ADORA2B: variants seen among roughly 807,000 people sequenced by gnomAD.
ADORA2B encodes adenosine receptor A2b.
ADORA2B carries 18 observed loss-of-function variants against 20.8 expected under a neutral mutation model. The observed-to-expected ratio is 0.87, with a 90% confidence interval of 0.60 to 1.29. The LOEUF (loss-of-function observed/expected upper bound fraction) is 1.29, where lower values mean the gene tolerates loss of function less well. Among genes scored for constraint, ADORA2B ranks in the 50% most tolerant of loss-of-function variants. The probability of loss-of-function intolerance (pLI) is 0.00; values close to 1 mark genes in which losing one functional copy is unlikely to be tolerated. For synonymous variants in ADORA2B, 179 were observed against 178.3 expected, an observed-to-expected ratio of 1.00 and a Z score of -0.03; for missense variants, 441 against 422.7, an observed-to-expected ratio of 1.04 and a Z score of -0.38.
intron 1 of ADORA2B, among the ~76,000 whole-genome samples, chr17:15,962,810 G>A (rs1970057620): frequency 2.0e-5 from 3 of 152,190 alleles, no homozygotes; most frequent in South Asian, 4.1e-4. Context: ...GAGCCACCGC[G>A]CCCGGCCCCT....
At chr17:15,940,214 A>G (rs1430548366), upstream of ADORA2B, among the ~76,000 whole-genome samples, 1 of 152,164 alleles carries the variant, frequency 6.6e-6, no homozygotes, top group Non-Finnish European at 1.5e-5. Flanking sequence ...GGAACATGCG[A>G]TTTGTGTGTG....
the ADORA2B span, among the ~76,000 whole-genome samples, chr17:15,885,742 C>A: frequency 6.6e-6 from 1 of 151,758 alleles, no homozygotes; most frequent in African/African-American, 2.4e-5. Context: ...AAAACCTCTG[C>A]AGAAATGTGA....
chr17:15,974,378 G>A (rs779133345), intron 1 of ADORA2B: 1 of 296,714 alleles, frequency 3.4e-6, no homozygotes, highest in South Asian at 9.9e-5. Context: ...AGAACCCACC[G>A]AGGACATTGA....
At chr17:15,964,881 G>A (rs569141870) in intron 1 of ADORA2B, among the ~76,000 whole-genome samples, 71 of 152,124 alleles carry the variant, frequency 4.7e-4, no homozygotes, top group Admixed American at 7.9e-4. Context: ...CTAACACGGT[G>A]AAACCCCGTC....
At chr17:15,948,404 G>GGGGGGGGGGGGGGGGGGGC (rs924189170) in intron 1 of ADORA2B, among the ~76,000 whole-genome samples, 3 of 21,932 alleles carry the variant, frequency 1.4e-4, no homozygotes, top group Non-Finnish European at 4.1e-4. Context: ...CTGGCGGCGG[G>GGGGGGGGGGGGGGGGGGGC]GGGCTCCAGT....
chr17:15,915,103 G>A, the ADORA2B span, among the ~76,000 whole-genome samples: 2 of 152,202 alleles, frequency 1.3e-5, no homozygotes, highest in African/African-American at 4.8e-5. Context: ...GTGTCACAGT[G>A]CAGCTTCCTT....
At chr17:15,884,495 C>T in the ADORA2B span, among the ~76,000 whole-genome samples, 114 of 152,114 alleles carry the variant, frequency 7.5e-4, no homozygotes, top group Non-Finnish European at 1.3e-3. Flanking sequence ...CTGCACAGAT[C>T]AACAAATCAC....
chr17:15,874,117 T>TACAC, the ADORA2B span, among the ~76,000 whole-genome samples: 28 of 147,130 alleles, frequency 1.9e-4, no homozygotes, highest in African/African-American at 5.5e-4. Flanking sequence ...CATATATACA[T>TACAC]ACACACACAC....
the ADORA2B span, among the ~76,000 whole-genome samples, chr17:15,936,982 A>G: frequency 3.3e-5 from 5 of 152,216 alleles, no homozygotes; most frequent in African/African-American, 7.2e-5. Flanking sequence ...ATAAAAATAA[A>G]TAAAACATAC....
intron 1 of ADORA2B, among the ~76,000 whole-genome samples, chr17:15,949,334 G>A (rs550051211): frequency 4.6e-5 from 7 of 151,824 alleles, no homozygotes; most frequent in Admixed American, 2.0e-4. Flanking sequence ...CCAACATGGC[G>A]AAATCCCGTC....
chr17:15,910,478 T>A, the ADORA2B span, among the ~76,000 whole-genome samples: 13 of 152,110 alleles, frequency 8.5e-5, no homozygotes, highest in Non-Finnish European at 1.6e-4. Context: ...TTTGTATTTT[T>A]AGTAGAAACG....
At position 15,945,542 on chromosome 17, in the gene ADORA2B, C is replaced by A; in HGVS notation, c.294C>A (p.Ala98=). The change falls in exon 1 of 2, where the codon GCC becomes GCA. Residue 98 remains alanine (A), a synonymous_variant. Coordinates refer to ENST00000304222, the MANE Select transcript of ADORA2B (RefSeq NM_000676.4). ...AGAGCTCCATCTTCAGCCTTCTGGCCGTGGCAGTCGACAGATACCTGGCCA... is the reference window on the plus strand; with the variant it reads ...AGAGCTCCATCTTCAGCCTTCTGGCAGTGGCAGTCGACAGATACCTGGCCA... ...LTQSSIFSLL[A]VAVDRYLAIC... 6.3e-7 allele frequency: 1 copy of A among 1,591,084 alleles called. No individual in the cohort carries two copies. The highest frequency in any genetic ancestry group is 8.5e-7 in the Non-Finnish European group (1 of 1,171,208).
At chr17:15,965,722 A>G (rs887863280) in intron 1 of ADORA2B, among the ~76,000 whole-genome samples, 15 of 152,250 alleles carry the variant, frequency 9.9e-5, no homozygotes, top group African/African-American at 3.1e-4. Flanking sequence ...GGGAACAAGA[A>G]AAAAACAGTG....
chr17:15,893,359 G>A, the ADORA2B span, among the ~76,000 whole-genome samples: 1 of 152,210 alleles, frequency 6.6e-6, no homozygotes, highest in South Asian at 2.1e-4. Flanking sequence ...GAAAAATAAT[G>A]TTAAGTTTCT....
chr17:15,973,651 T>G (rs922468505), intron 1 of ADORA2B, among the ~76,000 whole-genome samples: 6 of 152,186 alleles, frequency 3.9e-5, no homozygotes, highest in Admixed American at 6.5e-5. Context: ...TGTGCGCTCC[T>G]TATGAGAATC....
At chr17:15,929,148 A>T in the ADORA2B span, among the ~76,000 whole-genome samples, 4 of 151,876 alleles carry the variant, frequency 2.6e-5, no homozygotes, top group Non-Finnish European at 5.9e-5. Flanking sequence ...GCTGAGGAGG[A>T]TGTAGAGGTT....
chr17:15,889,659 A>G, the ADORA2B span, among the ~76,000 whole-genome samples: 2 of 130,322 alleles, frequency 1.5e-5, no homozygotes, highest in Admixed American at 7.5e-5. Flanking sequence ...TTTAGAAAGA[A>G]GACCAAGGCG....
intron 1 of ADORA2B, among the ~76,000 whole-genome samples, chr17:15,967,894 C>T (rs2779208): frequency 0.63 from 95,535 of 151,922 alleles, 31,406 homozygotes; most frequent in African/African-American, 0.82. Context: ...TGTGAGTGGA[C>T]GAAAAGGCAT....
the ADORA2B span, among the ~76,000 whole-genome samples, chr17:15,932,264 G>T: frequency 6.6e-6 from 1 of 152,022 alleles, no homozygotes; most frequent in Non-Finnish European, 1.5e-5. Context: ...GGAGGCCGAG[G>T]TGGGAGGATC....
Sources: allele counts gnomAD v4.1 joint callset (sites outside exome capture counted in the v4.1 genomes callset), GRCh38; gene constraint gnomAD v4.1.1; transcripts MANE v1.5; gene names NCBI Gene and HGNC (gene_info 2026-07-23, HGNC 2026-07-21).